Variants in SLC39A11 observed in about 807,000 individuals in gnomAD.
The protein encoded by SLC39A11 is solute carrier family 39 member 11.
Under a neutral mutation model 36.1 loss-of-function variants are expected in SLC39A11, and 33 were observed. The ratio of observed to expected loss-of-function variants is 0.91; its 90% CI spans 0.69 to 1.22. The LOEUF (loss-of-function observed/expected upper bound fraction) is 1.22, where lower values mean the gene tolerates loss of function less well. Ranked by LOEUF, SLC39A11 falls within the 50% of genes most tolerant of loss-of-function variation. SLC39A11 has a pLI of 0.00. For synonymous variants in SLC39A11, 166 were observed against 170.3 expected, an observed-to-expected ratio of 0.97 and a Z score of 0.20; for missense variants, 432 against 430.3, an observed-to-expected ratio of 1.00 and a Z score of -0.03.
chr17:72,803,866 T>G (rs2077170446), intron 6 of SLC39A11, among the ~76,000 whole-genome samples: 1 of 152,048 alleles, frequency 6.6e-6, no homozygotes, highest in South Asian at 2.1e-4. Context: ...TCAGATGCTT[T>G]CCTATTAGCC....
chr17:73,015,227 C>A (rs1195425386), intron 4 of SLC39A11, among the ~76,000 whole-genome samples: 3 of 152,216 alleles, frequency 2.0e-5, no homozygotes, highest in Non-Finnish European at 4.4e-5. Flanking sequence ...CTAAATGTCT[C>A]TCAAACATGC....
chr17:73,059,570 A>G (rs2059773474), intron 3 of SLC39A11, among the ~76,000 whole-genome samples: 1 of 151,242 alleles, frequency 6.6e-6, no homozygotes, highest in Non-Finnish European at 1.5e-5. Flanking sequence ...CAGGAGAATC[A>G]CTTGAACCTG....
intron 4 of SLC39A11, among the ~76,000 whole-genome samples, chr17:73,011,941 T>C (rs1165538214): frequency 1.3e-5 from 2 of 149,018 alleles, no homozygotes; most frequent in Non-Finnish European, 3.0e-5. Context: ...GGATTACAGG[T>C]GTGAGCCACT....
Position 72,900,205 on chromosome 17 carries a change from GAAAGAAA to G in SLC39A11, c.430+47540_430+47546del, listed in dbSNP as rs1567913059. The stretch of plus-strand genomic sequence containing the variant: ...AGAAAGAAAGAAAGAAAGAAAGAAA[GAAAGAAA>G]GAAAGAAAGAAAGAAAGAAAAAGAC... On this transcript the variant is annotated intron_variant, in intron 5 of 9. Transcript: ENST00000255559. Among the ~76,000 whole-genome samples the G allele has an allele frequency of 8.5e-5, 12 of 140,816 alleles. 3 individuals carry two copies. The highest frequency in any genetic ancestry group is 2.1e-4 in the African/African-American group (8 of 37,776). 92.4% of individuals were successfully genotyped at this position (140,816 alleles called of 152,430 possible). A position where few individuals can be genotyped will look rare whatever the true frequency, so the allele number is the denominator to read the frequency against.
intron 3 of SLC39A11, among the ~76,000 whole-genome samples, chr17:73,072,969 CAGG>C (rs2060208918): frequency 6.6e-6 from 1 of 152,152 alleles, no homozygotes. Flanking sequence ...CACTTGTGGT[CAGG>C]AGTTCAAGAC....
chr17:72,945,091 G>A (rs1187783081), intron 5 of SLC39A11, among the ~76,000 whole-genome samples: 1 of 152,208 alleles, frequency 6.6e-6, no homozygotes, highest in Non-Finnish European at 1.5e-5. Flanking sequence ...ATGAAAGAAA[G>A]AGAGACTGAT....
chr17:73,086,381 C>T (rs2060730776), intron 2 of SLC39A11, among the ~76,000 whole-genome samples: 1 of 150,678 alleles, frequency 6.6e-6, no homozygotes, highest in African/African-American at 2.5e-5. Flanking sequence ...AATGGATAAA[C>T]AAAATGTGGT....
intron 7 of SLC39A11, among the ~76,000 whole-genome samples, chr17:72,691,488 C>T (rs969206013): frequency 1.3e-5 from 2 of 152,212 alleles, no homozygotes; most frequent in African/African-American, 4.8e-5. Context: ...ACTTACTGAA[C>T]ACCTACTTTG....
At chr17:72,761,763 G>A (rs569561768) in intron 6 of SLC39A11, among the ~76,000 whole-genome samples, 1 of 152,284 alleles carries the variant, frequency 6.6e-6, no homozygotes, top group African/African-American at 2.4e-5. Flanking sequence ...CATTCCCAGG[G>A]AAAGAGATTT....
intron 7 of SLC39A11, among the ~76,000 whole-genome samples, chr17:72,712,428 C>T (rs867803611): frequency 1.6e-4 from 24 of 152,296 alleles, no homozygotes; most frequent in Admixed American, 9.2e-4. Flanking sequence ...TCAACCCTCC[C>T]TTTATTTTTT....
intron 6 of SLC39A11, among the ~76,000 whole-genome samples, chr17:72,746,153 T>A (rs1321487307): frequency 2.6e-5 from 4 of 152,154 alleles, no homozygotes; most frequent in Admixed American, 6.5e-5. Flanking sequence ...CAGGGATGAC[T>A]GGGATGGGGA....
At chr17:72,815,402 G>A (rs919374562) in intron 6 of SLC39A11, among the ~76,000 whole-genome samples, 4 of 148,928 alleles carry the variant, frequency 2.7e-5, no homozygotes, top group Admixed American at 2.7e-4. Flanking sequence ...GGTGGATCAC[G>A]AGGTCAGGAG....
chr17:72,768,201 C>G (rs1005977626), intron 6 of SLC39A11, among the ~76,000 whole-genome samples: 1 of 152,206 alleles, frequency 6.6e-6, no homozygotes, highest in Non-Finnish European at 1.5e-5. Context: ...GGCTGGCAAC[C>G]TATGTATACA....
chr17:72,836,325 C>T (rs2078542222), intron 6 of SLC39A11, among the ~76,000 whole-genome samples: 1 of 149,412 alleles, frequency 6.7e-6, no homozygotes, highest in South Asian at 2.1e-4. Context: ...CTGTACCCAT[C>T]ATTGCTTGTG....
intron 5 of SLC39A11, among the ~76,000 whole-genome samples, chr17:72,907,862 G>A (rs2082741298): frequency 6.6e-6 from 1 of 152,216 alleles, no homozygotes; most frequent in African/African-American, 2.4e-5. Flanking sequence ...CACAGCATGG[G>A]GCAGTCACCA....
At chr17:72,669,392 A>G (rs1042568332) in intron 7 of SLC39A11, among the ~76,000 whole-genome samples, 1 of 152,132 alleles carries the variant, frequency 6.6e-6, no homozygotes, top group African/African-American at 2.4e-5. Context: ...CTACTTTGCA[A>G]TAATGTTTCA....
At chr17:72,796,315 C>T (rs557305503) in intron 6 of SLC39A11, among the ~76,000 whole-genome samples, 2 of 152,304 alleles carry the variant, frequency 1.3e-5, no homozygotes, top group African/African-American at 4.8e-5. Flanking sequence ...AATCCACACA[C>T]TCCCATCAAC....
At chr17:73,077,532 T>C (rs980814591) in intron 3 of SLC39A11, among the ~76,000 whole-genome samples, 57 of 152,334 alleles carry the variant, frequency 3.7e-4, no homozygotes, top group African/African-American at 1.4e-3. Context: ...TTCTCCATGT[T>C]GTCCAGACTG....
chr17:72,790,858 C>T (rs942431199), intron 6 of SLC39A11, among the ~76,000 whole-genome samples: 3 of 152,140 alleles, frequency 2.0e-5, no homozygotes, highest in African/African-American at 4.8e-5. Context: ...CTTGAATTTG[C>T]ATCACATTTA....
Sources: allele counts gnomAD v4.1 joint callset (sites outside exome capture counted in the v4.1 genomes callset), GRCh38; gene constraint gnomAD v4.1.1; transcripts MANE v1.5; gene names NCBI Gene and HGNC (gene_info 2026-07-23, HGNC 2026-07-21).